Variants in TOGARAM1 observed in about 807,000 individuals in gnomAD.
TOGARAM1 encodes the protein TOG array regulator of axonemal microtubules protein 1.
TOGARAM1 carries 100 observed loss-of-function variants against 166.6 expected under a neutral mutation model. The ratio of observed to expected loss-of-function variants is 0.60; its 90% confidence interval spans 0.51 to 0.71. The LOEUF (loss-of-function observed/expected upper bound fraction) is 0.71. Ranked by LOEUF, TOGARAM1 falls within the 30% of genes least tolerant of loss-of-function variation. TOGARAM1 has a pLI of 0.00. For synonymous variants in TOGARAM1, 758 were observed against 763.8 expected (o/e 0.99, Z 0.13); for missense variants, 2,029 against 2,102.7 (o/e 0.96, Z 0.69).
intron 1 of TOGARAM1, among the ~76,000 whole-genome samples, chr14:44,994,696 G>A (rs1419888008): frequency 6.6e-6 from 1 of 152,158 alleles, no homozygotes; most frequent in Admixed American, 6.5e-5. Context: ...TGTGATTACA[G>A]GTGTGAGCTA....
chr14:44,969,515 C>A (rs917103087), intron 1 of TOGARAM1, among the ~76,000 whole-genome samples: 6 of 152,204 alleles, frequency 3.9e-5, no homozygotes, highest in Non-Finnish European at 5.9e-5. Context: ...ATTCTCTTGA[C>A]ATTAACTTTC....
intron 14 of TOGARAM1, among the ~76,000 whole-genome samples, chr14:45,048,295 A>G (rs1882183815): frequency 6.8e-6 from 1 of 146,300 alleles, no homozygotes. Flanking sequence ...CAGCCTAGAG[A>G]CAGAGCAAGA....
At chr14:45,063,426 A>G (rs1306549706) in intron 16 of TOGARAM1, among the ~76,000 whole-genome samples, 2 of 150,382 alleles carry the variant, frequency 1.3e-5, no homozygotes, top group African/African-American at 2.5e-5. Context: ...TCACATCCTC[A>G]CCAATACTTG....
intron 1 of TOGARAM1, among the ~76,000 whole-genome samples, chr14:44,976,831 A>G (rs921013296): frequency 1.3e-5 from 2 of 152,166 alleles, no homozygotes; most frequent in Non-Finnish European, 2.9e-5. Context: ...CTTTGGTCCT[A>G]TATTCTTACA....
At position 45,004,173 on chromosome 14, in the gene TOGARAM1, C is replaced by T. The variant is rs766119873; in HGVS notation, c.2451C>T (p.Ser817=). The part of the protein sequence containing the change: ...NPSPGAYILP[S]YPVSSPRTSP... ...GTCCAGGAGCTTACATCCTTCCATCCTATCCTGTCTCATCACCTCGAACTA... is the reference window on the plus strand; with the variant it reads ...GTCCAGGAGCTTACATCCTTCCATCTTATCCTGTCTCATCACCTCGAACTA... The change falls in exon 4 of 20, where the codon TCC becomes TCT. Residue 817 remains serine, a synonymous_variant. Transcript: ENST00000361462. The T allele has an allele frequency of 6.2e-7, 1 of 1,614,046 alleles. No homozygotes were observed. The highest frequency in any genetic ancestry group is 8.5e-7 in the Non-Finnish European group (1 of 1,179,980).
At chr14:45,043,547 A>G (rs1881832423) in intron 11 of TOGARAM1, 139 bp from the exon 12 acceptor site, 2 of 625,918 alleles carry the variant, frequency 3.2e-6, no homozygotes, top group East Asian at 2.8e-5. Flanking sequence ...GCTAAACTCA[A>G]AACTTTTCTT....
chr14:45,029,675 G>A (rs1881047381), intron 10 of TOGARAM1, among the ~76,000 whole-genome samples: 1 of 152,140 alleles, frequency 6.6e-6, no homozygotes, highest in African/African-American at 2.4e-5. Context: ...CATAGACTGT[G>A]TGAACTGTTT....
Position 44,962,482 on chromosome 14 carries a change from C to G in TOGARAM1, c.61C>G (p.Arg21Gly), listed in dbSNP as rs1189063136. The G allele has an allele frequency of 1.2e-6, 2 of 1,608,390 alleles. No individual in the cohort carries two copies. The highest frequency in any genetic ancestry group is 1.7e-6 in the Non-Finnish European group (2 of 1,177,866). Residue 21 changes from arginine to glycine, a missense_variant, in exon 1 of 20, where the codon CGG becomes GGG. By Grantham distance (125) the Arg-to-Gly change is moderately radical. Transcript: ENST00000361462. ...GCCCTTTCCAGTCCTCTCTACCTATCGGCTCCAGAGCCGCAGTCGTCCTTC... is the reference window on the plus strand; with the variant it reads ...GCCCTTTCCAGTCCTCTCTACCTATGGGCTCCAGAGCCGCAGTCGTCCTTC... Reference protein sequence around the residue: ...LPPFPVLSTYRLQSRSRPSAP... With the variant: ...LPPFPVLSTYGLQSRSRPSAP...
chr14:45,002,973 C>A (rs773300020), intron 3 of TOGARAM1, among the ~76,000 whole-genome samples: 1 of 151,288 alleles, frequency 6.6e-6, no homozygotes, highest in Non-Finnish European at 1.5e-5. Context: ...AGCGAGACTC[C>A]ATCTCAAAAA....
chr14:44,965,651 A>G (rs1427708531), intron 1 of TOGARAM1, among the ~76,000 whole-genome samples: 2 of 152,196 alleles, frequency 1.3e-5, no homozygotes, highest in Non-Finnish European at 2.9e-5. Context: ...AGGCTGTCCC[A>G]TCACTGGTGA....
At chr14:45,000,825 C>G (rs936505784) in intron 3 of TOGARAM1, among the ~76,000 whole-genome samples, 3 of 152,116 alleles carry the variant, frequency 2.0e-5, no homozygotes, top group African/African-American at 7.2e-5. Flanking sequence ...CCTCGACCTC[C>G]CGGGCTCAAG....
chr14:44,965,869 ATTTTTTTT>A (rs747983176), intron 1 of TOGARAM1, among the ~76,000 whole-genome samples: 2 of 120,498 alleles, frequency 1.7e-5, no homozygotes, highest in South Asian at 2.5e-4. Flanking sequence ...ACAAATAGTA[ATTTTTTTT>A]TTTTTTTTTT....
At chr14:44,979,355 A>G (rs1482908488) in intron 1 of TOGARAM1, among the ~76,000 whole-genome samples, 7 of 152,134 alleles carry the variant, frequency 4.6e-5, no homozygotes, top group African/African-American at 7.2e-5. Context: ...TCTCTGCTTC[A>G]TAGACAGCAC....
At chr14:45,012,497 G>T (rs1037514444) in intron 7 of TOGARAM1, among the ~76,000 whole-genome samples, 9 of 152,160 alleles carry the variant, frequency 5.9e-5, no homozygotes, top group Non-Finnish European at 8.8e-5. Flanking sequence ...AAATTCATGT[G>T]TATCTTGTGT....
intron 1 of TOGARAM1, among the ~76,000 whole-genome samples, chr14:44,964,893 A>C (rs1885428464): frequency 6.6e-6 from 1 of 151,570 alleles, no homozygotes; most frequent in African/African-American, 2.4e-5. Flanking sequence ...GCTAAAGTAG[A>C]AATATAAAGA....
chr14:45,014,844 A>G (rs1270994165), intron 7 of TOGARAM1, among the ~76,000 whole-genome samples: 1 of 152,178 alleles, frequency 6.6e-6, no homozygotes, highest in Non-Finnish European at 1.5e-5. Context: ...TATAAAGATA[A>G]TCTGTGTTTT....
chr14:44,964,625 A>G (rs1035591805), intron 1 of TOGARAM1, among the ~76,000 whole-genome samples, 158 bp downstream of exon 1: 1 of 152,226 alleles, frequency 6.6e-6, no homozygotes, highest in Non-Finnish European at 1.5e-5. Flanking sequence ...TTATAATGGT[A>G]CAGATCACAA....
chr14:45,007,037 T>A (rs2087011411), intron 5 of TOGARAM1: 1 of 152,124 alleles, frequency 6.6e-6, no homozygotes, highest in Non-Finnish European at 1.5e-5. Flanking sequence ...GATGCCTCCT[T>A]TTTATCATTT....
At chr14:44,966,741 G>C (rs561823941) in intron 1 of TOGARAM1, among the ~76,000 whole-genome samples, 1 of 151,978 alleles carries the variant, frequency 6.6e-6, no homozygotes, top group African/African-American at 2.4e-5. Context: ...ATTGCTTGAG[G>C]CCAGGAGTTC....
Sources: allele counts gnomAD v4.1 joint callset (sites outside exome capture counted in the v4.1 genomes callset), GRCh38; gene constraint gnomAD v4.1.1; transcripts MANE v1.5; gene names NCBI Gene and HGNC (gene_info 2026-07-23, HGNC 2026-07-21).